NBAS: variants seen among roughly 807,000 people sequenced by gnomAD.
NBAS encodes the protein NBAS subunit of NRZ tethering complex, also known as NAG/BC035112 fusion.
In NBAS, 219 loss-of-function variants were observed where a neutral mutation model predicts 302.5. The ratio of observed to expected loss-of-function variants is 0.72; its 90% CI spans 0.65 to 0.81. The LOEUF (loss-of-function observed/expected upper bound fraction) is 0.81. Ranked by LOEUF, NBAS falls within the 30% of genes least tolerant of loss-of-function variation. The pLI, the probability that NBAS is intolerant of heterozygous loss-of-function variation, is 0.00. For missense variants in NBAS, 2,932 were observed against 2,841.6 expected (o/e 1.03, Z -0.72); for synonymous variants, 1,118 against 1,021.6 (o/e 1.09, Z -1.80).
chr2:14,970,890 C>T, the NBAS span, among the ~76,000 whole-genome samples: 1 of 152,124 alleles, frequency 6.6e-6, no homozygotes, highest in Non-Finnish European at 1.5e-5. Context: ...TTTGTTGTTC[C>T]CTGCTTGGTA....
chr2:15,192,886 G>A (rs374871509), intron 48 of NBAS, among the ~76,000 whole-genome samples: 26 of 152,198 alleles, frequency 1.7e-4, no homozygotes, highest in Middle Eastern at 3.4e-3. Flanking sequence ...TTCTGTATGT[G>A]ATGCACTGTA....
At chr2:15,192,037 G>A (rs150516418) in intron 48 of NBAS, among the ~76,000 whole-genome samples, 1 of 152,252 alleles carries the variant, frequency 6.6e-6, no homozygotes, top group East Asian at 1.9e-4. Flanking sequence ...ATCAGTCAAG[G>A]CCTTGTTCAA....
At chr2:14,976,892 G>C in the NBAS span, among the ~76,000 whole-genome samples, 2 of 152,322 alleles carry the variant, frequency 1.3e-5, no homozygotes, top group East Asian at 3.9e-4. Context: ...TCTTCCAACG[G>C]AGTGCAGCCC....
At chr2:15,296,719 G>C (rs548327697) in intron 40 of NBAS, among the ~76,000 whole-genome samples, 1 of 152,124 alleles carries the variant, frequency 6.6e-6, no homozygotes, top group Non-Finnish European at 1.5e-5. Flanking sequence ...CATGCCTGTA[G>C]TCCTACCTAC....
chr2:15,002,968 C>A, the NBAS span, among the ~76,000 whole-genome samples: 1 of 152,366 alleles, frequency 6.6e-6, no homozygotes, highest in Non-Finnish European at 1.5e-5. Context: ...TTGGCCAGCC[C>A]AGAAGGGGGC....
chr2:15,367,873 G>A lies in NBAS; in HGVS notation c.3704-1180C>T, dbSNP rs369147321. Reference sequence around the variant, plus strand: ...AAAGAAATCCTCTATACTCTTTGCTGAGGTTAACAGATGATTAATAATTTG... The same window carrying A: ...AAAGAAATCCTCTATACTCTTTGCTAAGGTTAACAGATGATTAATAATTTG... On this transcript the variant is annotated intron_variant, in intron 31 of 51. Coordinates refer to ENST00000281513, the MANE Select transcript of NBAS (RefSeq NM_015909.4). Among the ~76,000 whole-genome samples, 8 of 152,320 alleles carry A rather than the reference G, an allele frequency of 5.3e-5. No homozygotes were observed. In the South Asian group the frequency reaches 1.7e-3, roughly 32 times the overall value.
At chr2:15,374,238 T>A (rs1326806539) in intron 31 of NBAS, among the ~76,000 whole-genome samples, 1 of 152,230 alleles carries the variant, frequency 6.6e-6, no homozygotes, top group East Asian at 1.9e-4. Flanking sequence ...TAGTTATTAA[T>A]CTATGCAATG....
At chr2:14,939,222 T>C in the NBAS span, among the ~76,000 whole-genome samples, 4 of 152,282 alleles carry the variant, frequency 2.6e-5, no homozygotes, top group African/African-American at 9.6e-5. Flanking sequence ...TGTTAGACCA[T>C]GACAGTTGAG....
chr2:14,799,829 G>A, the NBAS span, among the ~76,000 whole-genome samples: 1 of 152,106 alleles, frequency 6.6e-6, no homozygotes, highest in Non-Finnish European at 1.5e-5. Flanking sequence ...TCTATCTCCA[G>A]TCTTTATTCT....
chr2:14,978,442 T>C, the NBAS span, among the ~76,000 whole-genome samples: 24 of 152,194 alleles, frequency 1.6e-4, no homozygotes, highest in Non-Finnish European at 3.1e-4. Flanking sequence ...ATTGCATTAG[T>C]AGAGACTAAC....
At position 15,561,211 on chromosome 2, in the gene NBAS, A is replaced by G; in HGVS notation, c.94T>C (p.Trp32Arg). The G allele has an allele frequency of 6.2e-7, 1 of 1,613,474 alleles. No individual in the cohort carries two copies. Among genetic ancestry groups the G allele is most frequent in the Non-Finnish European group, 8.5e-7 (1 of 1,179,886 alleles). ...ILYDLLVNTE[W>R]PPETEVQPRG... ...ACCTGTACTTCAGTCTCCGGTGGCC[A>G]CTCGGTGTTGACCAACAAGTCATAG... is the stretch of plus-strand genomic sequence containing the variant. Residue 32 changes from tryptophan (W) to arginine (R), a missense_variant, in exon 1 of 52, where the codon TGG becomes CGG. Transcript: ENST00000281513.
intron 48 of NBAS, among the ~76,000 whole-genome samples, chr2:15,195,897 C>T (rs1455691243): frequency 3.3e-5 from 5 of 152,202 alleles, no homozygotes; most frequent in African/African-American, 9.6e-5. Flanking sequence ...CACACAGCCC[C>T]TTCCAAGGGC....
the NBAS span, among the ~76,000 whole-genome samples, chr2:14,937,985 C>T: frequency 0.011 from 1,665 of 151,990 alleles, 26 homozygotes; most frequent in African/African-American, 0.038. Context: ...AAAAATTAGC[C>T]GTCATGGTGG....
chr2:15,396,530 A>G, intron 26 of NBAS, 55 bp from the exon 27 acceptor site: 1 of 1,223,362 alleles, frequency 8.2e-7, no homozygotes, highest in Non-Finnish European at 1.1e-6. Flanking sequence ...TTAGCTTTTT[A>G]AATAAAATAC....
At chr2:15,417,451 G>T in intron 24 of NBAS, 76 bp downstream of exon 24, 1 of 1,266,368 alleles carries the variant, frequency 7.9e-7, no homozygotes, top group Non-Finnish European at 1.1e-6. Flanking sequence ...TTCATCTTTG[G>T]TTTGAGACAC....
chr2:15,449,603 T>C (rs577514215), intron 21 of NBAS, among the ~76,000 whole-genome samples: 1 of 152,232 alleles, frequency 6.6e-6, no homozygotes, highest in East Asian at 1.9e-4. Flanking sequence ...TTTTTTTCTT[T>C]AAATAGGAAG....
At chr2:15,314,776 C>G (rs1333035347) in intron 38 of NBAS, among the ~76,000 whole-genome samples, 1 of 152,146 alleles carries the variant, frequency 6.6e-6, no homozygotes, top group Non-Finnish European at 1.5e-5. Context: ...CTGAAAGACC[C>G]CAGGTATCCT....
chr2:15,120,389 C>T, the NBAS span, among the ~76,000 whole-genome samples: 1 of 152,222 alleles, frequency 6.6e-6, no homozygotes, highest in Admixed American at 6.5e-5. Context: ...GTGACAAGCC[C>T]ACACCTGCCA....
chr2:14,849,334 T>C, the NBAS span, among the ~76,000 whole-genome samples: 140 of 151,582 alleles, frequency 9.2e-4, 1 homozygote, highest in Admixed American at 3.8e-3. Context: ...GTATCAGCAA[T>C]GGAAGATGAA....
Sources: gnomAD v4.1 joint callset for allele counts (sites outside exome capture counted in the v4.1 genomes callset) on GRCh38, gnomAD v4.1.1 for gene constraint, MANE v1.5 for transcripts, NCBI Gene and HGNC (gene_info 2026-07-23, HGNC 2026-07-21) for gene names.